Variants in ECT2L observed in about 807,000 individuals in gnomAD.
ECT2L encodes the protein epithelial cell-transforming sequence 2 oncogene-like.
A neutral mutation model predicts 122.8 loss-of-function variants in ECT2L; 126 were observed. The observed-to-expected ratio is 1.03, with a 90% CI of 0.89 to 1.19. The LOEUF is 1.19. ECT2L is among the 50% of genes most tolerant of loss of function. The pLI is 0.00. For synonymous variants in ECT2L, 385 were observed against 381.8 expected, an observed-to-expected ratio of 1.01 and a Z score of -0.10; for missense variants, 1,012 against 1,064.1, an observed-to-expected ratio of 0.95 and a Z score of 0.68.
intron 4 of ECT2L, among the ~76,000 whole-genome samples, chr6:138,825,123 C>T (rs1343633051): frequency 7.2e-5 from 11 of 152,094 alleles, no homozygotes; most frequent in Non-Finnish European, 1.5e-4. Flanking sequence ...GAAAGCTGCC[C>T]TCAGGATGGG....
At chr6:138,842,929 G>A in intron 5 of ECT2L, 50 bp from the exon 6 acceptor site, 1 of 1,403,144 alleles carries the variant, frequency 7.1e-7, no homozygotes, top group Non-Finnish European at 9.4e-7. Flanking sequence ...ATTATTGCTA[G>A]AAAACTGTCT....
intron 7 of ECT2L, among the ~76,000 whole-genome samples, chr6:138,845,242 AT>A (rs10717081): frequency 0.44 from 56,562 of 128,216 alleles, 10,088 homozygotes; most frequent in Middle Eastern, 0.61. Context: ...TTAACTTTGG[AT>A]TTTTTTTTTT....
At chr6:138,853,445 C>T (rs1409313738) in intron 9 of ECT2L, among the ~76,000 whole-genome samples, 1 of 152,086 alleles carries the variant, frequency 6.6e-6, no homozygotes, top group Non-Finnish European at 1.5e-5. Context: ...CTAGACCTCC[C>T]AGTGGGAGGG....
chr6:138,822,575 A>G (rs2128378474), intron 4 of ECT2L, among the ~76,000 whole-genome samples: 1 of 152,306 alleles, frequency 6.6e-6, no homozygotes, highest in South Asian at 2.1e-4. Context: ...AAATAAACAA[A>G]CAAACAAATA....
Position 138,824,182 on chromosome 6 carries a change from G to T in ECT2L, c.179+9579G>T, listed in dbSNP as rs540393646. 1.3e-3 allele frequency among the ~76,000 whole-genome samples: 203 copies of T among 151,886 alleles called. 1 individual carries two copies. Among genetic ancestry groups the T allele is most frequent in the African/African-American group, 4.8e-3 (197 of 41,380 alleles). Reference sequence around the variant, plus strand: ...GTACCAATTTCAATTTCCTGGTTTTGACATTATAGTATAATTATGTAAGAT... The same window carrying T: ...GTACCAATTTCAATTTCCTGGTTTTTACATTATAGTATAATTATGTAAGAT... On this transcript the variant is annotated intron_variant, in intron 4 of 21. Transcript: ENST00000541398.
chr6:138,843,148 A>G lies in ECT2L; in HGVS notation c.512A>G (p.Lys171Arg). ...AATYGTLNEP[K>R]TEDEELLERQ... ...ACTTATGGGACGCTGAATGAACCCAAAACAGAAGATGAGGAACTACTGGAG... is the reference window on the plus strand; with the variant it reads ...ACTTATGGGACGCTGAATGAACCCAGAACAGAAGATGAGGAACTACTGGAG... The change falls in exon 6 of 22, where the codon AAA becomes AGA. Residue 171 changes from lysine to arginine, a missense_variant. Physicochemically the swap from Lys to Arg is conservative, Grantham distance 26. Coordinates refer to ENST00000541398, the MANE Select transcript of ECT2L (RefSeq NM_001077706.3). 6.2e-7 allele frequency: 1 copy of G among 1,614,134 alleles called. No homozygotes were observed. Among genetic ancestry groups the G allele is most frequent in the East Asian group, 2.2e-5 (1 of 44,886 alleles).
chr6:138,838,403 C>A lies in ECT2L; in HGVS notation c.231C>A (p.Phe77Leu). Residue 77 changes from phenylalanine (F) to leucine (L), a missense_variant, in exon 5 of 22, where the codon TTC becomes TTA. Transcript: ENST00000541398. ...GGATGCAAGTGGCCAAAGTGGACTTCTCTACAGTGTTACCACGCTTCATTT... is the reference window on the plus strand; with the variant it reads ...GGATGCAAGTGGCCAAAGTGGACTTATCTACAGTGTTACCACGCTTCATTT... ...SERMQVAKVD[F>L]STVLPRFISL... 1 of 1,613,552 alleles carries A rather than the reference C, an allele frequency of 6.2e-7. No individual in the cohort carries two copies.
chr6:138,832,973 C>T (rs1259698506), intron 4 of ECT2L, among the ~76,000 whole-genome samples: 1 of 152,036 alleles, frequency 6.6e-6, no homozygotes, highest in Non-Finnish European at 1.5e-5. Flanking sequence ...CCTCAGGAAA[C>T]TTACAATCAC....
chr6:138,813,135 A>G, intron 2 of ECT2L, 37 bp from the exon 3 acceptor site: 1 of 562,052 alleles, frequency 1.8e-6, no homozygotes, highest in South Asian at 2.8e-5. Flanking sequence ...TAATTATATA[A>G]TTCCTATAAG....
At chr6:138,847,126 CG>C (rs1777249975) in intron 8 of ECT2L, among the ~76,000 whole-genome samples, 1 of 151,296 alleles carries the variant, frequency 6.6e-6, no homozygotes, top group Admixed American at 6.6e-5. Context: ...AAAAAATAGC[CG>C]GGTGTGGTGG....
intron 5 of ECT2L, among the ~76,000 whole-genome samples, chr6:138,839,504 T>C (rs949638907): frequency 2.0e-5 from 3 of 151,966 alleles, no homozygotes; most frequent in African/African-American, 4.8e-5. Context: ...CCTGGGACTA[T>C]AGACATGCAC....
At chr6:138,824,510 T>TATACTTACAAA (rs1776364130) in intron 4 of ECT2L, among the ~76,000 whole-genome samples, 1 of 144,380 alleles carries the variant, frequency 6.9e-6, no homozygotes, top group South Asian at 2.1e-4. Context: ...TGTAAGTAAT[T>TATACTTACAAA]TTATAAAATC....
intron 20 of ECT2L, among the ~76,000 whole-genome samples, chr6:138,899,170 AAG>A (rs544779925): frequency 3.6e-3 from 542 of 152,044 alleles, no homozygotes; most frequent in Admixed American, 8.0e-3. Flanking sequence ...AAAATGAAGT[AAG>A]AGAGAGAGGG....
chr6:138,865,229 TATCCCGAGTA>T (rs1777991173), intron 12 of ECT2L, 51 bp downstream of exon 12: 1 of 1,514,698 alleles, frequency 6.6e-7, no homozygotes, highest in African/African-American at 1.4e-5. Context: ...GTTGCTTTCA[TATCCCGAGTA>T]AATACAAGTT....
chr6:138,839,511 G>T (rs115500885), intron 5 of ECT2L, among the ~76,000 whole-genome samples: 2,947 of 152,030 alleles, frequency 0.019, 91 homozygotes, highest in African/African-American at 0.066. Flanking sequence ...CTATAGACAT[G>T]CACTACCACG....
At chr6:138,864,737 T>A (rs1009463119) in intron 11 of ECT2L, among the ~76,000 whole-genome samples, 5 of 152,224 alleles carry the variant, frequency 3.3e-5, no homozygotes, top group African/African-American at 1.2e-4. Context: ...GCTGTTTTTT[T>A]TCTTTAAACA....
intron 6 of ECT2L, among the ~76,000 whole-genome samples, chr6:138,844,024 G>C (rs984048125): frequency 6.6e-6 from 1 of 152,152 alleles, no homozygotes; most frequent in Non-Finnish European, 1.5e-5. Flanking sequence ...GTGTGTAAAA[G>C]AAAACAGCAA....
At chr6:138,843,266 A>G (rs780269173) in intron 6 of ECT2L, 35 bp downstream of exon 6, 3 of 1,511,180 alleles carry the variant, frequency 2.0e-6, no homozygotes, top group Non-Finnish European at 2.7e-6. Context: ...ATCTTAGGTA[A>G]ATATTGTAGA....
rs1778623038 is a variant in ECT2L at position 138,880,950 on chromosome 6, T to C, written c.1666-7T>C. ...CACTGACTTGAGTTCTTAACACTTC[T>C]CTACAGGAGAGAATACTCCAGAAGG... On this transcript the variant is annotated splice_polypyrimidine_tract_variant and splice_region_variant and intron_variant, in intron 14 of 21. Coordinates refer to ENST00000541398, the MANE Select transcript of ECT2L (RefSeq NM_001077706.3). The C allele has an allele frequency of 6.2e-7, 1 of 1,612,496 alleles. No individual in the cohort carries two copies. Among genetic ancestry groups the C allele is most frequent in the Non-Finnish European group, 8.5e-7 (1 of 1,179,062 alleles).
Sources: gnomAD v4.1 joint callset for allele counts (sites outside exome capture counted in the v4.1 genomes callset) on GRCh38, gnomAD v4.1.1 for gene constraint, MANE v1.5 for transcripts, NCBI Gene and HGNC (gene_info 2026-07-23, HGNC 2026-07-21) for gene names.